ZNF609: variants seen among roughly 807,000 people sequenced by gnomAD.
ZNF609 encodes zinc finger protein 609.
Under a neutral mutation model 109.5 loss-of-function variants are expected in ZNF609, and 11 were observed. That is an observed-to-expected ratio of 0.10 (90% CI 0.06 to 0.17). The LOEUF is 0.17. Among genes scored for constraint, ZNF609 ranks in the 10% least tolerant of loss-of-function variants. ZNF609 has a pLI of 1.00. For synonymous variants in ZNF609, 646 were observed against 662.0 expected (o/e 0.98, Z 0.37); for missense variants, 1,559 against 1,772.4 (o/e 0.88, Z 2.16).
At chr15:64,616,975 A>AT (rs1264964748) in intron 2 of ZNF609, among the ~76,000 whole-genome samples, 1 of 150,548 alleles carries the variant, frequency 6.6e-6, no homozygotes, top group Non-Finnish European at 1.5e-5. Flanking sequence ...TGCCCGGCTA[A>AT]TTTTTTATTT....
At chr15:64,593,305 TC>T in intron 2 of ZNF609, 1 of 1,411,870 alleles carries the variant, frequency 7.1e-7, no homozygotes, top group Non-Finnish European at 9.9e-7. Flanking sequence ...CTGCCCCACG[TC>T]CCCCACCAAA....
At chr15:64,666,160 A>C (rs1896645764) in intron 3 of ZNF609, among the ~76,000 whole-genome samples, 1 of 151,762 alleles carries the variant, frequency 6.6e-6, no homozygotes, top group African/African-American at 2.4e-5. Context: ...TTGGGAGACC[A>C]AGTTGGGTGG....
At chr15:64,619,451 A>G (rs1002528998) in intron 2 of ZNF609, among the ~76,000 whole-genome samples, 5 of 152,248 alleles carry the variant, frequency 3.3e-5, no homozygotes, top group African/African-American at 1.2e-4. Flanking sequence ...ATGTTAGATT[A>G]TAGATGTGAC....
rs764129845 is a variant in ZNF609, at chr15:64,545,224, G to T, written c.747+45058G>T. ...TTTTTTTTTTTTTCTTTGAGACAGG[G>T]TCTAGCTCTGTAACCCAAGCTTGGA... On this transcript the variant is annotated intron_variant, in intron 2 of 9. Coordinates refer to ENST00000326648, the MANE Select transcript of ZNF609 (RefSeq NM_015042.2). Among the ~76,000 whole-genome samples, 30 of 151,822 alleles carry T rather than the reference G, an allele frequency of 2.0e-4. 1 individual carries two copies. The highest frequency in any genetic ancestry group is 5.3e-4 in the African/African-American group (22 of 41,316).
chr15:64,550,249 C>A (rs1422184712), intron 2 of ZNF609, among the ~76,000 whole-genome samples: 1 of 152,084 alleles, frequency 6.6e-6, no homozygotes. Context: ...GCTGCTGTGC[C>A]CAGCTGTGTA....
At chr15:64,563,357 G>A (rs72742921) in intron 2 of ZNF609, among the ~76,000 whole-genome samples, 7,278 of 148,834 alleles carry the variant, frequency 0.049, 240 homozygotes, top group South Asian at 0.088. Flanking sequence ...AGGCTGAGGT[G>A]GGAGGATTGA....
At chr15:64,467,675 T>C (rs1218884873) in intron 1 of ZNF609, among the ~76,000 whole-genome samples, 1 of 152,162 alleles carries the variant, frequency 6.6e-6, no homozygotes, top group Non-Finnish European at 1.5e-5. Flanking sequence ...TGAAATCCTG[T>C]CTCTACTAAA....
At chr15:64,529,741 C>T (rs1164550405) in intron 2 of ZNF609, 2 of 588,634 alleles carry the variant, frequency 3.4e-6, no homozygotes, top group African/African-American at 3.7e-5. Flanking sequence ...GGAGCAGAGA[C>T]TTTTTTGAGA....
intron 3 of ZNF609, among the ~76,000 whole-genome samples, chr15:64,663,076 G>T (rs1896602342): frequency 6.6e-6 from 1 of 152,142 alleles, no homozygotes; most frequent in African/African-American, 2.4e-5. Flanking sequence ...TTTATACAGA[G>T]AAATGATAGG....
intron 2 of ZNF609, among the ~76,000 whole-genome samples, chr15:64,549,751 T>G (rs1262267887): frequency 5.9e-5 from 9 of 152,066 alleles, no homozygotes. Flanking sequence ...AACCATTGAT[T>G]TTTGGTCCAT....
At chr15:64,576,890 A>ATG (rs1894963516) in intron 2 of ZNF609, among the ~76,000 whole-genome samples, 2 of 141,216 alleles carry the variant, frequency 1.4e-5, no homozygotes, top group East Asian at 2.0e-4. Flanking sequence ...ATACACATAT[A>ATG]AATATATACA....
intron 2 of ZNF609, among the ~76,000 whole-genome samples, chr15:64,514,701 C>T (rs1343834675): frequency 6.6e-6 from 1 of 151,292 alleles, no homozygotes; most frequent in Admixed American, 6.6e-5. Flanking sequence ...TGCAGTGGCG[C>T]GATCTGGATT....
chr15:64,612,867 T>C (rs1192497070), intron 2 of ZNF609, among the ~76,000 whole-genome samples: 1 of 151,874 alleles, frequency 6.6e-6, no homozygotes, highest in African/African-American at 2.4e-5. Context: ...ATACAAAAAT[T>C]AGCCAGGTGT....
chr15:64,490,071 A>G (rs1893390626), intron 1 of ZNF609, among the ~76,000 whole-genome samples: 1 of 151,886 alleles, frequency 6.6e-6, no homozygotes. Flanking sequence ...AGATAATCCC[A>G]TCTCAGCCTA....
At chr15:64,494,154 T>G (rs1256521294) in intron 1 of ZNF609, among the ~76,000 whole-genome samples, 1 of 152,188 alleles carries the variant, frequency 6.6e-6, no homozygotes, top group African/African-American at 2.4e-5. Flanking sequence ...CAAAGATCAG[T>G]CCTTGGGATA....
chr15:64,646,652 A>C (rs911270431), intron 3 of ZNF609, among the ~76,000 whole-genome samples: 5 of 146,878 alleles, frequency 3.4e-5, no homozygotes, highest in South Asian at 2.1e-4. Context: ...AAAAAAAAAA[A>C]AAAAAACTGG....
chr15:64,645,387 G>A (rs1328164511), intron 3 of ZNF609, among the ~76,000 whole-genome samples: 2 of 151,724 alleles, frequency 1.3e-5, no homozygotes, highest in African/African-American at 2.4e-5. Context: ...CATTGCACTC[G>A]GCGTCCTACA....
chr15:64,499,894 GAGA>G lies in ZNF609; in HGVS notation c.478_480del (p.Lys160del). ...CCGCAGTGTAGCCGGTTCCAAAAAG[GAGA>G]AGGAGAACAGCTCATCTAAGAGCAA... On this transcript the variant is annotated inframe_deletion, in exon 2 of 10. Transcript: ENST00000326648. 1 of 1,614,096 alleles carries G rather than the reference GAGA, an allele frequency of 6.2e-7. No individual in the cohort carries two copies. Among genetic ancestry groups the G allele is most frequent in the Middle Eastern group, 1.6e-4 (1 of 6,062 alleles).
In ZNF609 at chr15:64,674,822, C is replaced by T. The variant is rs1240824065; in HGVS notation, c.1968C>T (p.Ala656=). 1 of 1,614,114 alleles carries T rather than the reference C, an allele frequency of 6.2e-7. No homozygotes were observed. Among genetic ancestry groups the T allele is most frequent in the Non-Finnish European group, 8.5e-7 (1 of 1,180,014 alleles). ...EKIPSKSLKS[A]RPIAPAIPPQ... ...TTCCTTCCAAGAGCCTAAAGTCAGC[C>T]CGTCCCATTGCCCCTGCCATCCCCC... Residue 656 remains alanine (A), a synonymous_variant, in exon 5 of 10, where the codon GCC becomes GCT. Coordinates refer to ENST00000326648, the MANE Select transcript of ZNF609 (RefSeq NM_015042.2).
Sources: gnomAD v4.1 joint callset for allele counts (sites outside exome capture counted in the v4.1 genomes callset) on GRCh38, gnomAD v4.1.1 for gene constraint, MANE v1.5 for transcripts, NCBI Gene and HGNC (gene_info 2026-07-23, HGNC 2026-07-21) for gene names.